Variants in PCDH9 observed in about 807,000 individuals in gnomAD.
PCDH9 encodes protocadherin 9.
Under a neutral mutation model 70.6 loss-of-function variants are expected in PCDH9, and 24 were observed. That is an observed-to-expected ratio of 0.34 (90% CI 0.25 to 0.48). The LOEUF is 0.48. Among genes scored for constraint, PCDH9 ranks in the 20% least tolerant of loss-of-function variants. The probability of loss-of-function intolerance (pLI) is 0.99; values close to 1 mark genes in which losing one functional copy is unlikely to be tolerated. For missense variants in PCDH9, 1,281 were observed against 1,503.6 expected (o/e 0.85, Z 2.45); for synonymous variants, 562 against 558.5 (o/e 1.01, Z -0.09).
chr13:66,925,286 C>G (rs1287373204), intron 2 of PCDH9, among the ~76,000 whole-genome samples: 1 of 151,314 alleles, frequency 6.6e-6, no homozygotes, highest in African/African-American at 2.4e-5. Context: ...GTGAAAATAA[C>G]TTACTTCCCC....
chr13:66,374,125 T>C (rs1956706626), intron 4 of PCDH9, among the ~76,000 whole-genome samples: 1 of 152,078 alleles, frequency 6.6e-6, no homozygotes, highest in Non-Finnish European at 1.5e-5. Flanking sequence ...GCACAATGCA[T>C]TGTGATCAAT....
At chr13:66,471,714 T>C (rs1339094030) in intron 4 of PCDH9, among the ~76,000 whole-genome samples, 1 of 152,162 alleles carries the variant, frequency 6.6e-6, no homozygotes, top group Non-Finnish European at 1.5e-5. Flanking sequence ...CTTGCTCAAA[T>C]TTCCATAGCA....
chr13:67,159,183 C>A (rs1192190721), intron 2 of PCDH9, among the ~76,000 whole-genome samples: 1 of 152,092 alleles, frequency 6.6e-6, no homozygotes, highest in African/African-American at 2.4e-5. Flanking sequence ...GGGAGGAACT[C>A]TAGGCAAGAG....
At chr13:67,042,657 T>C (rs914018729) in intron 2 of PCDH9, among the ~76,000 whole-genome samples, 1 of 152,228 alleles carries the variant, frequency 6.6e-6, no homozygotes, top group African/African-American at 2.4e-5. Context: ...TTGTCTTTCT[T>C]ACTATTCATT....
chr13:66,539,354 G>A (rs545137865), intron 4 of PCDH9, among the ~76,000 whole-genome samples: 6 of 152,206 alleles, frequency 3.9e-5, no homozygotes, highest in South Asian at 2.1e-4. Context: ...TGTCATGGGA[G>A]GGACTCGGAA....
chr13:66,424,533 AAAG>A (rs1189030891), intron 4 of PCDH9, among the ~76,000 whole-genome samples: 1 of 151,966 alleles, frequency 6.6e-6, no homozygotes, highest in African/African-American at 2.4e-5. Context: ...TATATGTGCA[AAAG>A]ACTGCAAAGT....
At chr13:66,584,555 A>T (rs1160852577) in intron 4 of PCDH9, among the ~76,000 whole-genome samples, 1 of 152,210 alleles carries the variant, frequency 6.6e-6, no homozygotes, top group Non-Finnish European at 1.5e-5. Context: ...TTACTTCAAG[A>T]TCAATGGATT....
chr13:66,326,126 C>G (rs539800007), intron 4 of PCDH9, among the ~76,000 whole-genome samples: 5 of 152,182 alleles, frequency 3.3e-5, no homozygotes, highest in Middle Eastern at 6.8e-3. Context: ...GCTCTAAGTA[C>G]GAGGACAACA....
intron 4 of PCDH9, among the ~76,000 whole-genome samples, chr13:66,543,302 G>T (rs1351821531): frequency 1.3e-5 from 2 of 152,100 alleles, no homozygotes; most frequent in Non-Finnish European, 2.9e-5. Flanking sequence ...CGGGCACAGT[G>T]GCTCACGCCT....
intron 3 of PCDH9, among the ~76,000 whole-genome samples, chr13:66,682,470 G>T (rs546472099): frequency 6.6e-6 from 1 of 151,774 alleles, no homozygotes; most frequent in Non-Finnish European, 1.5e-5. Context: ...ACTCTTTTAT[G>T]TATTGTTTCT....
At chr13:66,316,942 T>C (rs4883776) in intron 4 of PCDH9, among the ~76,000 whole-genome samples, 113,821 of 151,940 alleles carry the variant, frequency 0.75, 42,855 homozygotes, top group Non-Finnish European at 0.79. Flanking sequence ...AGACTGGCTT[T>C]GACCTCCTGA....
chr13:66,456,777 A>G (rs112640889), intron 4 of PCDH9, among the ~76,000 whole-genome samples: 40 of 152,224 alleles, frequency 2.6e-4, no homozygotes, highest in African/African-American at 7.5e-4. Context: ...TAGTTTGAAT[A>G]CTAGAAGATT....
chr13:66,468,545 A>G (rs187724593), intron 4 of PCDH9, among the ~76,000 whole-genome samples: 3 of 152,292 alleles, frequency 2.0e-5, no homozygotes, highest in Admixed American at 6.5e-5. Flanking sequence ...CTTACACTTC[A>G]TGACAATACA....
intron 2 of PCDH9, among the ~76,000 whole-genome samples, chr13:66,929,470 T>C (rs759254208): frequency 2.0e-5 from 3 of 151,962 alleles, no homozygotes; most frequent in Non-Finnish European, 4.4e-5. Context: ...ATTACAGGCA[T>C]GTGCCACCAC....
chr13:66,774,597 T>C (rs563923488), intron 3 of PCDH9, among the ~76,000 whole-genome samples: 18 of 152,298 alleles, frequency 1.2e-4, no homozygotes, highest in Admixed American at 1.0e-3. Flanking sequence ...AAGAAACCCA[T>C]GTATTTATTG....
At chr13:66,581,008 T>C (rs1022041234) in intron 4 of PCDH9, among the ~76,000 whole-genome samples, 5 of 152,152 alleles carry the variant, frequency 3.3e-5, no homozygotes, top group African/African-American at 1.2e-4. Flanking sequence ...CTCCAAATTT[T>C]ATTTCCACTG....
intron 2 of PCDH9, among the ~76,000 whole-genome samples, chr13:67,039,765 T>C (rs2085076131): frequency 6.6e-6 from 1 of 152,160 alleles, no homozygotes; most frequent in Non-Finnish European, 1.5e-5. Flanking sequence ...TTTTCAAACC[T>C]GACAAGGGAG....
At chr13:66,306,745 C>T (rs2138054537) in intron 4 of PCDH9, among the ~76,000 whole-genome samples, 1 of 152,044 alleles carries the variant, frequency 6.6e-6, no homozygotes, top group African/African-American at 2.4e-5. Flanking sequence ...ATATTCATTA[C>T]TTAAAACTTT....
chr13:66,399,452 C>T (rs146090333), intron 4 of PCDH9, among the ~76,000 whole-genome samples: 348 of 152,102 alleles, frequency 2.3e-3, no homozygotes, highest in Non-Finnish European at 4.1e-3. Flanking sequence ...TTCTTTTGGC[C>T]ATGCTTAAAA....
Sources: allele counts gnomAD v4.1 joint callset (sites outside exome capture counted in the v4.1 genomes callset), GRCh38; gene constraint gnomAD v4.1.1; transcripts MANE v1.5; gene names NCBI Gene and HGNC (gene_info 2026-07-23, HGNC 2026-07-21).